Variants in MACROD2 observed in about 807,000 individuals in gnomAD.
MACROD2 encodes ADP-ribose glycohydrolase MACROD2.
MACROD2 carries 36 observed loss-of-function variants against 70.4 expected under a neutral mutation model. The observed-to-expected ratio is 0.51, with a 90% CI of 0.39 to 0.68. MACROD2 has a LOEUF of 0.68. MACROD2 is among the 30% of genes least tolerant of loss of function. The probability of loss-of-function intolerance (pLI) is 0.00; values close to 1 mark genes in which losing one functional copy is unlikely to be tolerated. For missense variants in MACROD2, 496 were observed against 538.4 expected, an observed-to-expected ratio of 0.92 and a Z score of 0.78; for synonymous variants, 172 against 178.8, an observed-to-expected ratio of 0.96 and a Z score of 0.30.
chr20:14,008,360 C>T (rs922917593), intron 2 of MACROD2, among the ~76,000 whole-genome samples: 2 of 152,140 alleles, frequency 1.3e-5, no homozygotes, highest in East Asian at 3.8e-4. Context: ...CACAAATGAG[C>T]TCTCATTCAC....
intron 5 of MACROD2, among the ~76,000 whole-genome samples, chr20:15,204,134 A>G (rs548974029): frequency 2.0e-5 from 3 of 152,086 alleles, no homozygotes; most frequent in Non-Finnish European, 4.4e-5. Flanking sequence ...AGAAATTTCC[A>G]TTGTCCAATT....
chr20:15,163,889 C>A (rs1280715612), intron 5 of MACROD2, among the ~76,000 whole-genome samples: 4 of 151,954 alleles, frequency 2.6e-5, no homozygotes, highest in Non-Finnish European at 4.4e-5. Context: ...TATCAAAACC[C>A]ATTATATGCT....
intron 4 of MACROD2, among the ~76,000 whole-genome samples, chr20:14,576,537 T>C (rs1389855178): frequency 6.6e-6 from 1 of 152,138 alleles, no homozygotes. Context: ...TGGGAACCAG[T>C]TGATTAATTT....
At chr20:15,979,417 G>A (rs1318683129) in intron 13 of MACROD2, among the ~76,000 whole-genome samples, 1 of 152,130 alleles carries the variant, frequency 6.6e-6, no homozygotes, top group Non-Finnish European at 1.5e-5. Flanking sequence ...CTGTGTCAAT[G>A]TGGTGGGAAC....
At chr20:14,460,923 A>G (rs1257611118) in intron 3 of MACROD2, among the ~76,000 whole-genome samples, 1 of 151,604 alleles carries the variant, frequency 6.6e-6, no homozygotes, top group Admixed American at 6.6e-5. Flanking sequence ...TATCAGGATG[A>G]TGCTGGCCTC....
chr20:14,875,297 C>G (rs1416897593), intron 5 of MACROD2, among the ~76,000 whole-genome samples: 1 of 151,900 alleles, frequency 6.6e-6, no homozygotes, highest in East Asian at 2.0e-4. Context: ...AGGAGAATAG[C>G]TTTAACCCAG....
chr20:15,587,697 G>A (rs1449039837), intron 8 of MACROD2, among the ~76,000 whole-genome samples: 1 of 152,132 alleles, frequency 6.6e-6, no homozygotes, highest in South Asian at 2.1e-4. Context: ...AATCCAGCAG[G>A]GCAGTCACAT....
intron 8 of MACROD2, among the ~76,000 whole-genome samples, chr20:15,630,799 A>G (rs762449693): frequency 7.9e-5 from 12 of 152,138 alleles, no homozygotes; most frequent in African/African-American, 2.7e-4. Context: ...GCAGAATGCA[A>G]TTTGTTTTTT....
At chr20:14,366,209 C>T (rs537395337) in intron 3 of MACROD2, among the ~76,000 whole-genome samples, 137 of 152,120 alleles carry the variant, frequency 9.0e-4, no homozygotes, top group Admixed American at 2.6e-3. Flanking sequence ...GGATGTCTTC[C>T]ACGATTATTG....
chr20:14,465,833 CT>C (rs1355265841), intron 3 of MACROD2, among the ~76,000 whole-genome samples: 1 of 152,154 alleles, frequency 6.6e-6, no homozygotes, highest in East Asian at 1.9e-4. Flanking sequence ...GTTGAAAATT[CT>C]TTTCTTTAAG....
At chr20:15,324,406 G>C (rs534056630) in intron 6 of MACROD2, among the ~76,000 whole-genome samples, 1 of 152,100 alleles carries the variant, frequency 6.6e-6, no homozygotes, top group East Asian at 1.9e-4. Flanking sequence ...CCCCAATTCA[G>C]TAATTTTGCT....
intron 2 of MACROD2, among the ~76,000 whole-genome samples, chr20:14,015,258 T>C (rs1459226677): frequency 1.3e-5 from 2 of 152,230 alleles, no homozygotes; most frequent in African/African-American, 4.8e-5. Flanking sequence ...ATCACCAGTA[T>C]CCATTTTCAC....
rs139924992 is a variant in MACROD2 at position 15,638,399 on chromosome 20, C to T, written c.645+138552C>T. Among the ~76,000 whole-genome samples, 428 of 152,182 alleles carry T rather than the reference C, an allele frequency of 2.8e-3. 4 individuals are homozygous for T. Among genetic ancestry groups the T allele is most frequent in the African/African-American group, 9.6e-3 (398 of 41,526 alleles). On this transcript the variant is annotated intron_variant, in intron 8 of 17. Coordinates refer to ENST00000684519, the MANE Select transcript of MACROD2 (RefSeq NM_001351661.2). ...CTCAACCATACCAAATATAAGTGTGCGAGGCTTGGAATGAAGAAAGAAATG... is the reference window on the plus strand; with the variant it reads ...CTCAACCATACCAAATATAAGTGTGTGAGGCTTGGAATGAAGAAAGAAATG...
chr20:14,059,959 C>T (rs2053673727), intron 2 of MACROD2, among the ~76,000 whole-genome samples: 1 of 152,078 alleles, frequency 6.6e-6, no homozygotes. Flanking sequence ...TAGGGAACAG[C>T]ATTTAGGGTA....
At chr20:14,136,536 C>T (rs558557819) in intron 3 of MACROD2, among the ~76,000 whole-genome samples, 1 of 152,224 alleles carries the variant, frequency 6.6e-6, no homozygotes, top group South Asian at 2.1e-4. Flanking sequence ...CAGCGGTTCT[C>T]CAAGTACGGT....
chr20:15,834,280 C>T (rs562451532), intron 8 of MACROD2, among the ~76,000 whole-genome samples: 5 of 152,292 alleles, frequency 3.3e-5, no homozygotes, highest in African/African-American at 1.2e-4. Flanking sequence ...GCAGAGGTTG[C>T]AGTGAGCTGA....
At chr20:15,810,116 T>C (rs1405942016) in intron 8 of MACROD2, among the ~76,000 whole-genome samples, 8 of 151,064 alleles carry the variant, frequency 5.3e-5, no homozygotes, top group Non-Finnish European at 7.4e-5. Flanking sequence ...CATGTGGTGT[T>C]TGGTTTTTTG....
At chr20:14,300,658 C>T (rs983253752) in intron 3 of MACROD2, among the ~76,000 whole-genome samples, 3 of 152,162 alleles carry the variant, frequency 2.0e-5, no homozygotes, top group South Asian at 2.1e-4. Context: ...GATTCAGCTT[C>T]GGACTACATT....
chr20:15,367,029 G>GA (rs1389562917), intron 6 of MACROD2, among the ~76,000 whole-genome samples: 1 of 135,686 alleles, frequency 7.4e-6, no homozygotes, highest in East Asian at 2.2e-4. Context: ...TAAAATTACT[G>GA]ATTTTTTTTT....
Sources: allele counts gnomAD v4.1 joint callset (sites outside exome capture counted in the v4.1 genomes callset), GRCh38; gene constraint gnomAD v4.1.1; transcripts MANE v1.5; gene names NCBI Gene and HGNC (gene_info 2026-07-23, HGNC 2026-07-21).